The following BICD1 variants were observed in gnomAD, a reference collection of about 807,000 sequenced individuals.
BICD1 encodes the protein protein bicaudal D homolog 1.
A neutral mutation model predicts 92.5 loss-of-function variants in BICD1; 35 were observed. That is an observed-to-expected ratio of 0.38 (90% CI 0.29 to 0.50). The LOEUF is 0.50. BICD1 is among the 20% of genes least tolerant of loss of function. BICD1 has a pLI of 0.93. For missense variants in BICD1, 950 were observed against 1,189.8 expected (o/e 0.80, Z 2.97); for synonymous variants, 429 against 465.1 (o/e 0.92, Z 1.00).
intron 2 of BICD1, among the ~76,000 whole-genome samples, chr12:32,229,386 C>T (rs1459547400): frequency 6.6e-6 from 1 of 152,020 alleles, no homozygotes; most frequent in Non-Finnish European, 1.5e-5. Context: ...GTCACTGCAG[C>T]ATTGAGAGGT....
At chr12:32,128,165 A>G (rs1348016371) in intron 1 of BICD1, among the ~76,000 whole-genome samples, 1 of 152,164 alleles carries the variant, frequency 6.6e-6, no homozygotes, top group African/African-American at 2.4e-5. Flanking sequence ...CCGCCTCCCA[A>G]AGTGTTGGGA....
In BICD1 at chr12:32,271,400, TGAGTG is replaced by T. The variant is rs1169466644; in HGVS notation, c.427-22592_427-22588del. 3.3e-5 allele frequency among the ~76,000 whole-genome samples: 5 copies of T among 152,326 alleles called. No individual in the cohort carries two copies. The East Asian group carries it at 9.6e-4, about 29-fold the overall frequency. ...CCCTGAAGAAGGTTGACTGGGAGAC[TGAGTG>T]GGGAGTGACAGACCATGACCTTAAT... On this transcript the variant is annotated intron_variant, in intron 2 of 9. Transcript: ENST00000652176.
intron 1 of BICD1, among the ~76,000 whole-genome samples, chr12:32,148,142 C>CAAAAAAA (rs10525262): frequency 0.12 from 7,026 of 60,690 alleles, 431 homozygotes; most frequent in Middle Eastern, 0.27. Flanking sequence ...ACTCCGTCTC[C>CAAAAAAA]AAAAAAAAAA....
rs1212197493 is a variant in BICD1, at chr12:32,220,933, T to C, written c.426+4474T>C. 6.7e-5 allele frequency among the ~76,000 whole-genome samples: 10 copies of C among 148,710 alleles called. No homozygotes were observed. In the South Asian group the frequency reaches 1.3e-3, roughly 20 times the overall value. ...GCAGCCATAAAAAATGATGAGTTCA[T>C]GTCCTTTGTAGGGACATGGATGAAA... On this transcript the variant is annotated intron_variant, in intron 2 of 9. Transcript: ENST00000652176.
chr12:32,152,585 A>G (rs1943321297), intron 1 of BICD1, among the ~76,000 whole-genome samples: 1 of 152,182 alleles, frequency 6.6e-6, no homozygotes, highest in South Asian at 2.1e-4. Context: ...TGATTGGCCC[A>G]CCAGGGACCA....
At chr12:32,294,888 T>C (rs1947823617) in intron 3 of BICD1, among the ~76,000 whole-genome samples, 1 of 151,276 alleles carries the variant, frequency 6.6e-6, no homozygotes. Flanking sequence ...TTGAGACCAG[T>C]CTGGCCAACA....
chr12:32,261,343 T>C (rs1019228691), intron 2 of BICD1, among the ~76,000 whole-genome samples: 2 of 152,232 alleles, frequency 1.3e-5, no homozygotes, highest in African/African-American at 2.4e-5. Context: ...AATTCATCAA[T>C]TGCCCTAGGG....
At position 32,106,949 on chromosome 12, in the gene BICD1, C is replaced by T. The variant is rs892423233; in HGVS notation, c.-383C>T. 1.2e-4 allele frequency: 26 copies of T among 217,504 alleles called. No individual in the cohort carries two copies. Among genetic ancestry groups the T allele is most frequent in the South Asian group, 3.0e-4 (4 of 13,342 alleles). The allele number at this position is 217,504 out of a possible 1,614,324, so 13.5% of individuals were successfully genotyped here. A position where few individuals can be genotyped will look rare whatever the true frequency, so the allele number is the denominator to read the frequency against. On this transcript the variant is annotated 5_prime_UTR_variant, in exon 1 of 10. Coordinates refer to ENST00000652176, the MANE Select transcript of BICD1 (RefSeq NM_001714.4). ...GACCCAGGGCGAGACTGCAGTGACG[C>T]GGCCCGGGAGACATGGCGGACGGGC...
At chr12:32,300,370 T>C (rs1398667138) in intron 3 of BICD1, among the ~76,000 whole-genome samples, 1 of 152,144 alleles carries the variant, frequency 6.6e-6, no homozygotes, top group Non-Finnish European at 1.5e-5. Context: ...CCCAAAGTGC[T>C]GGGATTACAG....
At chr12:32,131,841 A>G (rs74323802) in intron 1 of BICD1, among the ~76,000 whole-genome samples, 22,940 of 152,236 alleles carry the variant, frequency 0.15, 2,042 homozygotes, top group Non-Finnish European at 0.18. Context: ...GGGTTGACAC[A>G]CTTGTGGGGG....
intron 1 of BICD1, among the ~76,000 whole-genome samples, chr12:32,131,270 T>TA (rs537187525): frequency 3.3e-5 from 5 of 152,172 alleles, no homozygotes; most frequent in African/African-American, 1.2e-4. Context: ...GTGATTTTTT[T>TA]AAAAAAATTA....
At chr12:32,329,160 A>C (rs1937712263) in intron 5 of BICD1, among the ~76,000 whole-genome samples, 1 of 151,992 alleles carries the variant, frequency 6.6e-6, no homozygotes, top group Non-Finnish European at 1.5e-5. Flanking sequence ...GCTGGAGTGC[A>C]CTGGCGCCAT....
At chr12:32,375,704 C>G (rs1939928091) in intron 9 of BICD1, among the ~76,000 whole-genome samples, 1 of 152,056 alleles carries the variant, frequency 6.6e-6, no homozygotes, top group East Asian at 1.9e-4. Flanking sequence ...TACAGCACTT[C>G]AAAGAGTTTG....
chr12:32,206,127 T>A (rs1945049994), intron 1 of BICD1, among the ~76,000 whole-genome samples: 1 of 152,222 alleles, frequency 6.6e-6, no homozygotes, highest in Non-Finnish European at 1.5e-5. Context: ...ATTTGAAATG[T>A]TTGCATTTTG....
At chr12:32,108,731 T>A in intron 1 of BICD1, 2 of 658,400 alleles carry the variant, frequency 3.0e-6, no homozygotes, top group Non-Finnish European at 5.5e-6. Flanking sequence ...TTTAGATATG[T>A]CTTATTTTTA....
intron 8 of BICD1, among the ~76,000 whole-genome samples, chr12:32,355,341 A>ATT (rs924963891): frequency 6.6e-6 from 1 of 152,072 alleles, no homozygotes; most frequent in African/African-American, 2.4e-5. Flanking sequence ...AAATCCAAGG[A>ATT]TTTTTTTTAA....
intron 1 of BICD1, among the ~76,000 whole-genome samples, chr12:32,120,889 GAGAGAGA>G (rs1341096194): frequency 5.5e-4 from 18 of 32,758 alleles, no homozygotes; most frequent in East Asian, 1.1e-3. Context: ...GAGAGAGAGA[GAGAGAGA>G]AAAAAAAAAG....
intron 1 of BICD1, among the ~76,000 whole-genome samples, chr12:32,164,338 TGCTATTATGCCCCAATTCTCATTA>T (rs1943690035): frequency 6.6e-6 from 1 of 152,248 alleles, no homozygotes; most frequent in South Asian, 2.1e-4. Flanking sequence ...TTAATGGCCA[TGCTATTATGCCCCAATTCTCATTA>T]GCGCACTTAA....
chr12:32,192,333 C>G (rs1481612162), intron 1 of BICD1, among the ~76,000 whole-genome samples: 2 of 152,048 alleles, frequency 1.3e-5, no homozygotes, highest in African/African-American at 4.8e-5. Context: ...ACTTGGGAGG[C>G]TGAGGTGGGA....
Sources: gnomAD v4.1 joint callset for allele counts (sites outside exome capture counted in the v4.1 genomes callset) on GRCh38, gnomAD v4.1.1 for gene constraint, MANE v1.5 for transcripts, NCBI Gene and HGNC (gene_info 2026-07-23, HGNC 2026-07-21) for gene names.